Variants in PARP8 observed in about 807,000 individuals in gnomAD.
The protein encoded by PARP8 is protein mono-ADP-ribosyltransferase PARP8.
Under a neutral mutation model 124.1 loss-of-function variants are expected in PARP8, and 51 were observed. The ratio of observed to expected loss-of-function variants is 0.41; its 90% confidence interval spans 0.33 to 0.52. PARP8 has a LOEUF of 0.52. PARP8 is among the 20% of genes least tolerant of loss of function. The pLI is 0.21. For synonymous variants in PARP8, 391 were observed against 361.5 expected, an observed-to-expected ratio of 1.08 and a Z score of -0.93; for missense variants, 860 against 1,018.9, an observed-to-expected ratio of 0.84 and a Z score of 2.12.
chr5:50,759,125 G>T (rs372072393), intron 3 of PARP8, among the ~76,000 whole-genome samples: 6 of 151,930 alleles, frequency 3.9e-5, no homozygotes, highest in African/African-American at 1.4e-4. Flanking sequence ...CACCATGTTG[G>T]CCAGGCTGGT....
Position 50,778,591 on chromosome 5 carries a change from G to A in PARP8, c.611G>A (p.Arg204Gln), listed in dbSNP as rs376492269. The A allele has an allele frequency of 3.5e-5, 57 of 1,609,184 alleles. No individual in the cohort carries two copies. Among genetic ancestry groups the A allele is most frequent in the Non-Finnish European group, 4.5e-5 (53 of 1,178,404 alleles). ...EEIAVAWEVI[R>Q]TEPIIVRLHC... The stretch of plus-strand genomic sequence containing the variant: ...ATTGCTGTGGCTTGGGAAGTAATTC[G>A]AACAGAACCTATAATTGTTCGACTA... Residue 204 changes from arginine (R) to glutamine (Q), a missense_variant, in exon 9 of 26, where the codon CGA becomes CAA. By Grantham distance (43) the Arg-to-Gln change is conservative. Around this residue, in one of 2 missense-constraint regions of PARP8, gnomAD observed 517 missense variants for 544.2 expected, o/e 0.95. Transcript: ENST00000281631.
chr5:50,802,887 T>C (rs1350982273), intron 14 of PARP8, among the ~76,000 whole-genome samples: 1 of 152,348 alleles, frequency 6.6e-6, no homozygotes, highest in South Asian at 2.1e-4. Context: ...TATTTACCTG[T>C]ATGCATGTTT....
intron 12 of PARP8, 97 bp from the exon 13 acceptor site, chr5:50,796,885 C>A: frequency 1.9e-6 from 2 of 1,027,484 alleles, no homozygotes; most frequent in Admixed American, 3.0e-5. Context: ...GATCTTAAAT[C>A]ACTTTCGTAT....
chr5:50,808,072 T>A (rs1276746719), intron 14 of PARP8, among the ~76,000 whole-genome samples: 2 of 151,992 alleles, frequency 1.3e-5, no homozygotes, highest in African/African-American at 2.4e-5. Context: ...CCAAGTGAAA[T>A]TAAGAACACC....
chr5:50,804,345 G>C (rs1743582345), intron 14 of PARP8, among the ~76,000 whole-genome samples: 1 of 152,074 alleles, frequency 6.6e-6, no homozygotes, highest in South Asian at 2.1e-4. Context: ...GTTCCGTTCT[G>C]CTCCCTCTAT....
chr5:50,792,411 A>G (rs988536378), intron 10 of PARP8, among the ~76,000 whole-genome samples: 2 of 152,146 alleles, frequency 1.3e-5, no homozygotes, highest in Non-Finnish European at 2.9e-5. Context: ...TACTGATTTT[A>G]GATGTTGAAT....
chr5:50,804,016 T>C (rs1001992282), intron 14 of PARP8, among the ~76,000 whole-genome samples: 34 of 152,174 alleles, frequency 2.2e-4, no homozygotes, highest in African/African-American at 7.5e-4. Context: ...ATTTAAGGCC[T>C]TCTAAAGTCT....
In PARP8 at chr5:50,795,368, G is replaced by T. The variant is rs1315423975; in HGVS notation, c.1379G>T (p.Gly460Val). 11 of 1,612,626 alleles carry T rather than the reference G, an allele frequency of 6.8e-6. No individual in the cohort carries two copies. The highest frequency in any genetic ancestry group is 8.5e-6 in the Non-Finnish European group (10 of 1,179,534). The stretch of plus-strand genomic sequence containing the variant: ...GGCAGGAGGCTCTCTCTTACCTCAG[G>T]GCTTATTGGTATCCTAACACCATCT... ...AEGRRLSLTSGLIGILTPSSS... is the reference protein window; with the variant it reads ...AEGRRLSLTSVLIGILTPSSS... Residue 460 changes from glycine (G) to valine (V), a missense_variant, in exon 12 of 26, where the codon GGG becomes GTG. Transcript: ENST00000281631.
intron 5 of PARP8, 24 bp downstream of exon 5, chr5:50,760,386 T>G: frequency 6.8e-7 from 1 of 1,461,542 alleles, no homozygotes. Context: ...ATTTTTTATT[T>G]TCTTGAAACA....
chr5:50,785,635 A>C (rs1308444332), intron 9 of PARP8, among the ~76,000 whole-genome samples: 1 of 152,166 alleles, frequency 6.6e-6, no homozygotes, highest in Non-Finnish European at 1.5e-5. Flanking sequence ...GATAAGTGGG[A>C]TTGGAGTGAT....
intron 20 of PARP8, 41 bp from the exon 21 acceptor site, chr5:50,828,271 A>T: frequency 6.4e-7 from 1 of 1,566,734 alleles, no homozygotes. Context: ...AAGATAATTA[A>T]TTTTCTGGTT....
At chr5:50,839,140 A>G (rs1253898373) in intron 25 of PARP8, among the ~76,000 whole-genome samples, 1 of 152,100 alleles carries the variant, frequency 6.6e-6, no homozygotes, top group Non-Finnish European at 1.5e-5. Context: ...AGAAATTTCC[A>G]GGCAGCTAAG....
At chr5:50,812,315 G>A (rs1475250729) in intron 14 of PARP8, among the ~76,000 whole-genome samples, 2 of 152,126 alleles carry the variant, frequency 1.3e-5, no homozygotes, top group Non-Finnish European at 2.9e-5. Context: ...TCTCATTGTG[G>A]TTTTGATTTG....
chr5:50,798,581 C>T (rs181879511), intron 14 of PARP8, among the ~76,000 whole-genome samples: 2,176 of 151,950 alleles, frequency 0.014, 61 homozygotes, highest in African/African-American at 0.049. Context: ...CCACCACGCC[C>T]GGCTGATTTT....
chr5:50,808,437 G>C (rs74423525), intron 14 of PARP8, among the ~76,000 whole-genome samples: 1 of 151,974 alleles, frequency 6.6e-6, no homozygotes, highest in Non-Finnish European at 1.5e-5. Context: ...CCTTGCTCTC[G>C]CCCTGTGAAG....
chr5:50,784,394 A>G (rs1300335833), intron 9 of PARP8, among the ~76,000 whole-genome samples: 1 of 152,172 alleles, frequency 6.6e-6, no homozygotes, highest in Non-Finnish European at 1.5e-5. Flanking sequence ...CTCTTTTATG[A>G]TAATGTATAT....
intron 2 of PARP8, among the ~76,000 whole-genome samples, chr5:50,721,144 T>C (rs1755839461): frequency 6.6e-6 from 1 of 151,896 alleles, no homozygotes; most frequent in South Asian, 2.1e-4. Flanking sequence ...TGGGATAAAG[T>C]ATTTTCAGTC....
At chr5:50,756,546 C>T (rs1378462969) in intron 3 of PARP8, among the ~76,000 whole-genome samples, 1 of 152,110 alleles carries the variant, frequency 6.6e-6, no homozygotes, top group Non-Finnish European at 1.5e-5. Flanking sequence ...GCAAACCTCT[C>T]ATTTTATAGC....
At chr5:50,828,909 A>AG (rs1731906598) in intron 21 of PARP8, among the ~76,000 whole-genome samples, 1 of 150,010 alleles carries the variant, frequency 6.7e-6, no homozygotes, top group Non-Finnish European at 1.5e-5. Flanking sequence ...AGAAAAAAAA[A>AG]GAAAAGAAAA....
Sources: gnomAD v4.1 joint callset for allele counts (sites outside exome capture counted in the v4.1 genomes callset) on GRCh38, gnomAD v4.1.1 for gene constraint, gnomAD v4.1.1 regional missense constraint, MANE v1.5 for transcripts, NCBI Gene and HGNC (gene_info 2026-07-23, HGNC 2026-07-21) for gene names.